SPTBN4: variants seen among roughly 807,000 people sequenced by gnomAD.
SPTBN4 encodes the protein spectrin beta, non-erythrocytic 4, also known as spectrin beta chain, non-erythrocytic 4.
In SPTBN4, 96 loss-of-function variants were observed where a neutral mutation model predicts 277.8. The ratio of observed to expected loss-of-function variants is 0.35; its 90% CI spans 0.29 to 0.41. The LOEUF (loss-of-function observed/expected upper bound fraction) is 0.41. Among genes scored for constraint, SPTBN4 ranks in the 10% least tolerant of loss-of-function variants. The pLI is 1.00. For synonymous variants in SPTBN4, 1,481 were observed against 1,580.3 expected (o/e 0.94, Z 1.49); for missense variants, 3,006 against 3,595.7 (o/e 0.84, Z 4.19).
At chr19:40,548,491 G>A (rs1019934677) in intron 20 of SPTBN4, among the ~76,000 whole-genome samples, 3 of 151,076 alleles carry the variant, frequency 2.0e-5, no homozygotes, top group African/African-American at 4.9e-5. Flanking sequence ...AGGCTGATTT[G>A]TTCATCCTGA....
chr19:40,472,870 G>A (rs568703442), intron 2 of SPTBN4, 80 bp downstream of exon 2: 2 of 1,403,462 alleles, frequency 1.4e-6, no homozygotes, highest in Non-Finnish European at 1.9e-6. Flanking sequence ...GGCTGGGAGG[G>A]TGGGAAAAGA....
rs572199299 is a variant in SPTBN4, at chr19:40,556,184, C to T, written c.5185C>T (p.Leu1729=). The T allele has an allele frequency of 5.6e-6, 9 of 1,613,576 alleles. No individual in the cohort carries two copies. The African/African-American group carries it at 6.7e-5, about 12-fold the overall frequency. The change falls in exon 25 of 36, where the codon CTG becomes TTG. Residue 1729 remains leucine, a synonymous_variant. Transcript: ENST00000598249. ...RRVALEQQYW[L]YQLSRQVSEL... is the part of the protein sequence containing the mutation. ...GGTGGCTCTGGAACAGCAGTACTGG[C>T]TGTACCAGCTCAGCCGCCAGGTGAG...
At chr19:40,504,268 G>GAA (rs1205155307) in intron 12 of SPTBN4, 136 bp downstream of exon 12, 12 of 901,402 alleles carry the variant, frequency 1.3e-5, no homozygotes, top group Admixed American at 8.7e-5. Flanking sequence ...AAGCCAGGGA[G>GAA]ACAAAAAGAG....
rs1462566872 is a variant in SPTBN4 at position 40,540,861 on chromosome 19, T to G, written c.4359+6518T>G. On this transcript the variant is annotated intron_variant, in intron 20 of 35. Coordinates refer to ENST00000598249, the MANE Select transcript of SPTBN4 (RefSeq NM_020971.3). ...AAAAAGAAAAGTAATTTGGAGGTGG[T>G]AAATGAAATATTTATATAGTGTTAA... Among the ~76,000 whole-genome samples, 4 of 145,918 alleles carry G rather than the reference T, an allele frequency of 2.7e-5. No individual in the cohort carries two copies. The East Asian group carries it at 8.1e-4, about 30-fold the overall frequency.
At chr19:40,569,243 T>C in intron 31 of SPTBN4, among the ~76,000 whole-genome samples, 1 of 151,908 alleles carries the variant, frequency 6.6e-6, no homozygotes, top group East Asian at 1.9e-4. Flanking sequence ...CTGGCCAATA[T>C]AGCAAAACCC....
chr19:40,526,400 G>A (rs560448474), intron 17 of SPTBN4, among the ~76,000 whole-genome samples: 1 of 152,116 alleles, frequency 6.6e-6, no homozygotes, highest in African/African-American at 2.4e-5. Flanking sequence ...TCAAACTCCT[G>A]ACTTCAAGTG....
At chr19:40,471,342 T>C (rs1220293252) in intron 1 of SPTBN4, among the ~76,000 whole-genome samples, 1 of 152,146 alleles carries the variant, frequency 6.6e-6, no homozygotes, top group Non-Finnish European at 1.5e-5. Context: ...CTCTGTAAAA[T>C]AGGTGTAATA....
intron 2 of SPTBN4, among the ~76,000 whole-genome samples, chr19:40,474,569 A>G (rs1018871508): frequency 6.6e-6 from 1 of 151,676 alleles, no homozygotes; most frequent in African/African-American, 2.4e-5. Flanking sequence ...AGCTGGAACT[A>G]CAGGCATGCG....
intron 22 of SPTBN4, among the ~76,000 whole-genome samples, chr19:40,552,068 A>G (rs975953747): frequency 6.6e-6 from 1 of 151,986 alleles, no homozygotes; most frequent in Non-Finnish European, 1.5e-5. Flanking sequence ...CTGTAATCCC[A>G]GCACTTTGGG....
rs1171672496 is a variant in SPTBN4 at position 40,490,269 on chromosome 19, G to A, written c.495+21G>A. 2 of 1,606,510 alleles carry A rather than the reference G, an allele frequency of 1.2e-6. No individual in the cohort carries two copies. Among genetic ancestry groups the A allele is most frequent in the South Asian group, 1.1e-5 (1 of 90,356 alleles). On this transcript the variant is annotated intron_variant, in intron 4 of 35. Transcript: ENST00000598249. This position sits in a 1 kb window ranked among gnomAD's most constrained non-coding sequence, Gnocchi z 4.3. The stretch of plus-strand genomic sequence containing the variant: ...TCCAGGTGACCCTCGAGTGGCCCCT[G>A]CCAAGCCCCGCAACATGGGACTTAG...
Position 40,519,543 on chromosome 19 carries a change from G to C in SPTBN4, c.3046G>C (p.Ala1016Pro). Reference protein sequence around the residue: ...KRRAVESAPRAGGALQWRLSG... With the variant: ...KRRAVESAPRPGGALQWRLSG... ...GAGAGCTGTGGAGAGCGCGCCCCGG[G>C]CCGGCGGCGCCCTGCAGTGGCGTCT... The change falls in exon 16 of 36, where the codon GCC (alanine) becomes CCC (proline). Residue 1016 changes from alanine (A) to proline (P), a missense_variant. Coordinates refer to ENST00000598249, the MANE Select transcript of SPTBN4 (RefSeq NM_020971.3). The surrounding 1 kb of genome is among the most constrained non-coding windows in gnomAD (Gnocchi z 5.7). The C allele has an allele frequency of 6.3e-7, 1 of 1,577,094 alleles. No homozygotes were observed. Among genetic ancestry groups the C allele is most frequent in the Non-Finnish European group, 8.6e-7 (1 of 1,165,538 alleles).
chr19:40,529,017 C>G (rs2080628927), intron 17 of SPTBN4, 24 bp from the exon 18 acceptor site: 9 of 1,607,390 alleles, frequency 5.6e-6, no homozygotes, highest in Non-Finnish European at 7.7e-6. Context: ...GGCCTTTCCC[C>G]AGCCCTTATC....
chr19:40,566,095 G>A (rs2145951393), intron 29 of SPTBN4, 68 bp from the exon 30 acceptor site: 1 of 1,427,692 alleles, frequency 7.0e-7, no homozygotes. Flanking sequence ...AAGGCCAGGG[G>A]AACAGCCATT....
chr19:40,504,214 T>A, intron 12 of SPTBN4, 82 bp downstream of exon 12: 1 of 1,412,392 alleles, frequency 7.1e-7, no homozygotes, highest in South Asian at 1.3e-5. Context: ...GTCAGACAGC[T>A]GGAGATGGAG....
At position 40,502,438 on chromosome 19, in the gene SPTBN4, C is replaced by T; in HGVS notation, c.1134C>T (p.Ser378=). Residue 378 remains serine, a synonymous_variant, in exon 10 of 36, where the codon AGC becomes AGT. Coordinates refer to ENST00000598249, the MANE Select transcript of SPTBN4 (RefSeq NM_020971.3). The surrounding 1 kb of genome is among the most constrained non-coding windows in gnomAD (Gnocchi z 4.9). ...AGGTGCTGCTCTTCAGCATCCAGAG[C>T]AAACTGCGTGCCTGCAACCGTCGCC... ...NLEVLLFSIQ[S]KLRACNRRLF... 1 of 1,613,566 alleles carries T rather than the reference C, an allele frequency of 6.2e-7. No homozygotes were observed. The highest frequency in any genetic ancestry group is 8.5e-7 in the Non-Finnish European group (1 of 1,179,946).
chr19:40,525,004 G>A (rs975403159), intron 17 of SPTBN4, among the ~76,000 whole-genome samples: 3 of 152,030 alleles, frequency 2.0e-5, no homozygotes, highest in African/African-American at 4.8e-5. Context: ...TGCTCCTCCT[G>A]GTGACCCTAA....
In SPTBN4 at chr19:40,513,100, G is replaced by C; in HGVS notation, c.2311G>C (p.Glu771Gln). The change falls in exon 14 of 36, where the codon GAG becomes CAG. Residue 771 changes from glutamate (E) to glutamine (Q), a missense_variant. Glu to Gln is a conservative substitution (Grantham distance 29). This residue lies in a region of SPTBN4 where 1,759 missense variants were observed against 2,061.5 expected (regional missense o/e 0.85). Coordinates refer to ENST00000598249, the MANE Select transcript of SPTBN4 (RefSeq NM_020971.3). ...AAARRERRLQ[E>Q]ARALHQFGAD... Reference sequence around the variant, plus strand: ...GGCGCGGCGAGAGCGGCGGCTGCAGGAGGCGCGGGCGCTGCACCAGTTCGG... The same window carrying C: ...GGCGCGGCGAGAGCGGCGGCTGCAGCAGGCGCGGGCGCTGCACCAGTTCGG... 1 of 1,428,932 alleles carries C rather than the reference G, an allele frequency of 7.0e-7. No homozygotes were observed. Among genetic ancestry groups the C allele is most frequent in the Non-Finnish European group, 9.1e-7 (1 of 1,098,104 alleles). 88.5% of individuals were successfully genotyped at this position (1,428,932 alleles called of 1,614,324 possible). A position where few individuals can be genotyped will look rare whatever the true frequency, so the allele number is the denominator to read the frequency against.
chr19:40,505,477 A>C (rs2080315620), intron 12 of SPTBN4, among the ~76,000 whole-genome samples: 1 of 151,636 alleles, frequency 6.6e-6, no homozygotes, highest in Admixed American at 6.6e-5. Context: ...AGATCATCTG[A>C]GGTCAGGAGT....
At chr19:40,555,301 G>A (rs1171871437) in intron 24 of SPTBN4, 1 of 152,096 alleles carries the variant, frequency 6.6e-6, no homozygotes, top group Non-Finnish European at 1.5e-5. Flanking sequence ...AGACCAGCTT[G>A]GCCAACATGG....
Sources: gnomAD v4.1 joint callset for allele counts (sites outside exome capture counted in the v4.1 genomes callset) on GRCh38, gnomAD v4.1.1 for gene constraint, gnomAD v4.1.1 regional missense constraint, Gnocchi (gnomAD v3.1) non-coding constraint, MANE v1.5 for transcripts, NCBI Gene and HGNC (gene_info 2026-07-23, HGNC 2026-07-21) for gene names.